The following UNC79 variants were observed in gnomAD, a reference collection of about 807,000 sequenced individuals.
UNC79 encodes unc-79 subunit of NALCN channel complex.
A neutral mutation model predicts 283.1 loss-of-function variants in UNC79; 37 were observed. That is an observed-to-expected ratio of 0.13 (90% CI 0.10 to 0.17). The LOEUF (loss-of-function observed/expected upper bound fraction) is 0.17. UNC79 is among the 10% of genes least tolerant of loss of function. The pLI is 1.00. For synonymous variants in UNC79, 1,107 were observed against 1,200.2 expected (o/e 0.92, Z 1.61); for missense variants, 2,272 against 3,211.1 (o/e 0.71, Z 7.07).
intron 1 of UNC79, among the ~76,000 whole-genome samples, chr14:93,463,476 A>T (rs1402805506): frequency 6.6e-6 from 1 of 152,190 alleles, no homozygotes; most frequent in Non-Finnish European, 1.5e-5. Flanking sequence ...TTTCCCTTCG[A>T]CAAGAGAGAT....
chr14:93,387,035 C>T (rs1289657901), intron 1 of UNC79, among the ~76,000 whole-genome samples: 1 of 133,126 alleles, frequency 7.5e-6, no homozygotes, highest in Non-Finnish European at 1.5e-5. Flanking sequence ...CTCCGCCTCT[C>T]AGGTACAATC....
exon 7 of UNC79, chr14:93,497,251 G>T: frequency 6.2e-7 from 1 of 1,613,284 alleles, no homozygotes; most frequent in Non-Finnish European, 8.5e-7. Flanking sequence ...AAACCTCCTG[G>T]GGCAATAAGC....
intron 1 of UNC79, among the ~76,000 whole-genome samples, chr14:93,390,756 T>G (rs2054866827): frequency 6.6e-6 from 1 of 152,142 alleles, no homozygotes; most frequent in Non-Finnish European, 1.5e-5. Context: ...TATGAAAAGA[T>G]ATACTATACT....
chr14:93,433,277 G>A (rs2055946784), intron 1 of UNC79, among the ~76,000 whole-genome samples: 1 of 152,164 alleles, frequency 6.6e-6, no homozygotes, highest in South Asian at 2.1e-4. Context: ...GGTTAAGGAT[G>A]CTATGGATGT....
intron 31 of UNC79, 49 bp downstream of exon 33, chr14:93,630,957 A>T: frequency 1.3e-6 from 2 of 1,508,042 alleles, no homozygotes; most frequent in South Asian, 2.3e-5. Flanking sequence ...ATTTTGGAAC[A>T]CTGTCTGCTG....
At chr14:93,505,704 GCTT>G (rs2059500652) in intron 7 of UNC79, among the ~76,000 whole-genome samples, 1 of 150,058 alleles carries the variant, frequency 6.7e-6, no homozygotes, top group Non-Finnish European at 1.5e-5. Context: ...TATTTTTCCT[GCTT>G]CTTTTTTCTT....
At chr14:93,593,174 C>G (rs971379091) in intron 22 of UNC79, among the ~76,000 whole-genome samples, 7 of 152,248 alleles carry the variant, frequency 4.6e-5, no homozygotes, top group East Asian at 3.9e-4. Context: ...CTTTGATCAG[C>G]CTGTTTGTGT....
intron 1 of UNC79, among the ~76,000 whole-genome samples, chr14:93,404,493 A>AAAAATATAT: frequency 3.3e-5 from 2 of 61,512 alleles, no homozygotes; most frequent in African/African-American, 6.7e-5. Flanking sequence ...TTCTAAAAAA[A>AAAAATATAT]ATATATATAT....
chr14:93,596,583 T>C (rs2065097640), intron 23 of UNC79, among the ~76,000 whole-genome samples: 1 of 152,190 alleles, frequency 6.6e-6, no homozygotes, highest in African/African-American at 2.4e-5. Context: ...TGCAGTGAGC[T>C]GAAATCGTGC....
chr14:93,387,294 G>T (rs1228431630), intron 1 of UNC79, among the ~76,000 whole-genome samples: 1 of 151,846 alleles, frequency 6.6e-6, no homozygotes, highest in Admixed American at 6.6e-5. Context: ...GGTTTGGTTT[G>T]TTGTTGCCTT....
chr14:93,554,376 GTCTC>G (rs1194411016), intron 14 of UNC79, among the ~76,000 whole-genome samples: 3 of 150,692 alleles, frequency 2.0e-5, no homozygotes, highest in African/African-American at 7.3e-5. Flanking sequence ...AAAAAATTCT[GTCTC>G]TCTCTTTTTC....
intron 1 of UNC79, among the ~76,000 whole-genome samples, chr14:93,387,309 G>T (rs762037467): frequency 1.3e-5 from 2 of 151,798 alleles, no homozygotes; most frequent in African/African-American, 2.4e-5. Context: ...TGCCTTTCTA[G>T]TTCTTTAAGG....
chr14:93,447,662 T>C (rs998841518), intron 1 of UNC79, among the ~76,000 whole-genome samples: 5 of 152,148 alleles, frequency 3.3e-5, no homozygotes, highest in African/African-American at 7.2e-5. Flanking sequence ...TATTTTGTAG[T>C]GTAGCTCTAC....
chr14:93,351,943 T>C (rs1318782053), intron 1 of UNC79, among the ~76,000 whole-genome samples: 1 of 152,224 alleles, frequency 6.6e-6, no homozygotes, highest in African/African-American at 2.4e-5. Flanking sequence ...GATTTAAATG[T>C]TAATCTCTTA....
chr14:93,366,163 A>T (rs896958515), intron 1 of UNC79, among the ~76,000 whole-genome samples: 3 of 152,222 alleles, frequency 2.0e-5, no homozygotes, highest in African/African-American at 7.2e-5. Context: ...AGGGCAAACT[A>T]AAGATGTGCA....
chr14:93,660,561 ATATG>A (rs1477900213), intron 39 of UNC79, among the ~76,000 whole-genome samples: 14 of 83,212 alleles, frequency 1.7e-4, no homozygotes, highest in Non-Finnish European at 2.7e-4. Flanking sequence ...ATATATATAT[ATATG>A]TGTGTGTGTG....
intron 11 of UNC79, among the ~76,000 whole-genome samples, chr14:93,536,775 C>T (rs2061100276): frequency 7.4e-6 from 1 of 135,442 alleles, no homozygotes; most frequent in African/African-American, 2.7e-5. Flanking sequence ...CCCCCACCCA[C>T]CCCCGGCTTT....
At position 93,399,819 on chromosome 14, in the gene UNC79, G is replaced by A. The variant is rs149960054; in HGVS notation, c.-351+66296G>A. Among the ~76,000 whole-genome samples the A allele has an allele frequency of 4.8e-3, 729 of 152,246 alleles. 4 individuals carry two copies. The highest frequency in any genetic ancestry group is 0.016 in the African/African-American group (683 of 41,542). On this transcript the variant is annotated intron_variant, in intron 1 of 49. Coordinates refer to the UNC79 transcript ENST00000256339. Reference sequence around the variant, plus strand: ...CCTTTGCATTGCCAATCTCCTATGTGCAGATTTCCTGCATATATACATGTG... The same window carrying A: ...CCTTTGCATTGCCAATCTCCTATGTACAGATTTCCTGCATATATACATGTG...
intron 42 of UNC79, among the ~76,000 whole-genome samples, chr14:93,685,425 C>A (rs983087408): frequency 1.3e-5 from 2 of 152,154 alleles, no homozygotes; most frequent in African/African-American, 4.8e-5. Context: ...ATAATTCCTT[C>A]ACTTGATTTA....
Sources: allele counts gnomAD v4.1 joint callset (sites outside exome capture counted in the v4.1 genomes callset), GRCh38; gene constraint gnomAD v4.1.1; transcripts MANE v1.5; gene names NCBI Gene and HGNC (gene_info 2026-07-23, HGNC 2026-07-21).